The following ANGPT1 variants were observed in gnomAD, a reference collection of about 807,000 sequenced individuals.
ANGPT1 encodes the protein angiopoietin 1.
Under a neutral mutation model 62.2 loss-of-function variants are expected in ANGPT1, and 17 were observed. The ratio of observed to expected loss-of-function variants is 0.27; its 90% CI spans 0.19 to 0.41. The LOEUF is 0.41. Ranked by LOEUF, ANGPT1 falls within the 10% of genes least tolerant of loss-of-function variation. ANGPT1 has a pLI of 1.00. For synonymous variants in ANGPT1, 199 were observed against 198.9 expected, an observed-to-expected ratio of 1.00 and a Z score of 0.00; for missense variants, 478 against 594.9, an observed-to-expected ratio of 0.80 and a Z score of 2.04.
intron 1 of ANGPT1, 117 bp downstream of exon 1, chr8:107,497,145 C>CT: frequency 8.2e-7 from 1 of 1,219,662 alleles, no homozygotes; most frequent in South Asian, 1.5e-5. Context: ...ATTGCAAACA[C>CT]TGCCCCCCTG....
intron 7 of ANGPT1, among the ~76,000 whole-genome samples, chr8:107,276,525 A>T (rs1813870092): frequency 6.6e-6 from 1 of 152,176 alleles, no homozygotes; most frequent in South Asian, 2.1e-4. Flanking sequence ...ACAAAAATGC[A>T]GGGCTTAAAT....
intron 1 of ANGPT1, among the ~76,000 whole-genome samples, chr8:107,392,417 T>C (rs976254716): frequency 1.3e-5 from 2 of 152,188 alleles, no homozygotes; most frequent in African/African-American, 4.8e-5. Flanking sequence ...TTATTGTCAT[T>C]TTAATTTCTA....
chr8:107,397,976 A>G (rs1284302253), intron 1 of ANGPT1, among the ~76,000 whole-genome samples: 3 of 152,318 alleles, frequency 2.0e-5, no homozygotes, highest in Non-Finnish European at 2.9e-5. Context: ...TTGAATTATT[A>G]CCAGATTATC....
chr8:107,370,700 CAAAAAAAA>C (rs71308729), intron 1 of ANGPT1, among the ~76,000 whole-genome samples: 9,306 of 75,870 alleles, frequency 0.12, 284 homozygotes, highest in South Asian at 0.2. Context: ...AAGACTCTGT[CAAAAAAAA>C]AAAAAAAAAA....
At position 107,303,418 on chromosome 8, in the gene ANGPT1, T is replaced by A. The variant is rs759513922; in HGVS notation, c.809-51A>T. 6 of 1,477,002 alleles carry A rather than the reference T, an allele frequency of 4.1e-6. No homozygotes were observed. In the Middle Eastern group the frequency reaches 7.0e-4, roughly 172 times the overall value. 91.5% of individuals were successfully genotyped at this position (1,477,002 alleles called of 1,614,324 possible). A position where few individuals can be genotyped will look rare whatever the true frequency, so the allele number is the denominator to read the frequency against. ...AATATGTGAATATCAGTACCATTAG[T>A]AGCCAAACTGACTCCAATAATAGCT... On this transcript the variant is annotated intron_variant, in intron 4 of 8. Coordinates refer to ENST00000517746, the MANE Select transcript of ANGPT1 (RefSeq NM_001146.5).
intron 1 of ANGPT1, among the ~76,000 whole-genome samples, chr8:107,490,858 T>C (rs528136245): frequency 1.4e-4 from 22 of 152,322 alleles, no homozygotes; most frequent in African/African-American, 4.8e-4. Context: ...TGTTCTTCAA[T>C]AAAGCTTTAT....
intron 7 of ANGPT1, among the ~76,000 whole-genome samples, chr8:107,276,604 C>T (rs1479347618): frequency 1.4e-5 from 2 of 145,170 alleles, no homozygotes; most frequent in Non-Finnish European, 3.0e-5. Context: ...AATACATACA[C>T]GGCATGGGAG....
At chr8:107,303,965 G>T (rs1416898970) in intron 4 of ANGPT1, among the ~76,000 whole-genome samples, 1 of 151,892 alleles carries the variant, frequency 6.6e-6, no homozygotes, top group East Asian at 1.9e-4. Flanking sequence ...TTAGATTTGG[G>T]AAGTAGAAAA....
Position 107,470,939 on chromosome 8 carries a change from C to A in ANGPT1, c.297+26323G>T, listed in dbSNP as rs575745666. 6.0e-4 allele frequency among the ~76,000 whole-genome samples: 91 copies of A among 152,260 alleles called. 1 individual carries two copies. The highest frequency in any genetic ancestry group is 2.0e-3 in the African/African-American group (84 of 41,560). The stretch of plus-strand genomic sequence containing the variant: ...GTGGAGAAGTAGGAACACTTTTACA[C>A]TGTTGGTGGGAGTGTAAATTAGTTC... On this transcript the variant is annotated intron_variant, in intron 1 of 8. Transcript: ENST00000517746.
chr8:107,370,195 A>AGAAAG (rs1563590546), intron 1 of ANGPT1, among the ~76,000 whole-genome samples: 1 of 93,258 alleles, frequency 1.1e-5, no homozygotes, highest in South Asian at 3.7e-4. Flanking sequence ...AAGAAAGAAA[A>AGAAAG]AAAGAAAGAA....
intron 1 of ANGPT1, among the ~76,000 whole-genome samples, chr8:107,480,303 T>C (rs188179958): frequency 6.6e-6 from 1 of 152,180 alleles, no homozygotes; most frequent in Non-Finnish European, 1.5e-5. Context: ...AGGATCTAGT[T>C]TGAGGCACTA....
At chr8:107,485,536 AACTATC>A (rs1236242044) in intron 1 of ANGPT1, among the ~76,000 whole-genome samples, 2 of 152,210 alleles carry the variant, frequency 1.3e-5, no homozygotes, top group Non-Finnish European at 2.9e-5. Flanking sequence ...CGAGAGGAAG[AACTATC>A]ACAATTGTCT....
chr8:107,460,027 C>T (rs1315098543), intron 1 of ANGPT1, among the ~76,000 whole-genome samples: 4 of 152,160 alleles, frequency 2.6e-5, no homozygotes, highest in Non-Finnish European at 4.4e-5. Context: ...CTGAAAGCAT[C>T]ATCACCATTT....
rs1430897498 is a variant in ANGPT1 at position 107,490,432 on chromosome 8, G to C, written c.297+6830C>G. On this transcript the variant is annotated intron_variant, in intron 1 of 8. Coordinates refer to ENST00000517746, the MANE Select transcript of ANGPT1 (RefSeq NM_001146.5). ...TCCCTGTTCTTGTGATGATGGGCAGGAGAAAGAAAAGACATGAAATTCCCT... is the reference window on the plus strand; with the variant it reads ...TCCCTGTTCTTGTGATGATGGGCAGCAGAAAGAAAAGACATGAAATTCCCT... 2.6e-5 allele frequency among the ~76,000 whole-genome samples: 4 copies of C among 152,112 alleles called. No individual in the cohort carries two copies. In the East Asian group the frequency reaches 7.7e-4, roughly 29 times the overall value.
Position 107,293,980 on chromosome 8 carries a change from C to T in ANGPT1, c.994G>A (p.Asp332Asn), listed in dbSNP as rs774087006. ...CCTCTTTGGAAATCTAGACTTCCAT[C>T]TTCACGATGTTGTATTACAGTCCAA... Reference protein sequence around the residue: ...GGWTVIQHREDGSLDFQRGWK... With the variant: ...GGWTVIQHRENGSLDFQRGWK... Residue 332 changes from aspartate to asparagine, a missense_variant, in exon 6 of 9, where the codon GAT becomes AAT. Transcript: ENST00000517746. 7 of 1,613,434 alleles carry T rather than the reference C, an allele frequency of 4.3e-6. No individual in the cohort carries two copies. In the South Asian group the frequency reaches 5.5e-5, roughly 13 times the overall value.
intron 1 of ANGPT1, among the ~76,000 whole-genome samples, chr8:107,446,799 C>T (rs1002697092): frequency 3.3e-5 from 5 of 152,132 alleles, no homozygotes; most frequent in Non-Finnish European, 5.9e-5. Context: ...ATGCTTGAGG[C>T]TCTCAAATTT....
At chr8:107,341,296 A>G (rs990927814) in intron 2 of ANGPT1, among the ~76,000 whole-genome samples, 13 of 152,210 alleles carry the variant, frequency 8.5e-5, no homozygotes, top group African/African-American at 3.1e-4. Context: ...ATTGAAGGGT[A>G]AACTAAAGGT....
chr8:107,447,764 T>A (rs565892027), intron 1 of ANGPT1, among the ~76,000 whole-genome samples: 2 of 152,276 alleles, frequency 1.3e-5, no homozygotes, highest in South Asian at 4.1e-4. Context: ...GGTTTCTTTG[T>A]AGAGTAAGAG....
intron 6 of ANGPT1, 58 bp downstream of exon 6, chr8:107,293,878 T>A: frequency 7.4e-7 from 1 of 1,345,936 alleles, no homozygotes; most frequent in Non-Finnish European, 1.1e-6. Flanking sequence ...TCATATAGTA[T>A]GGAGAAGATA....
Sources: gnomAD v4.1 joint callset for allele counts (sites outside exome capture counted in the v4.1 genomes callset) on GRCh38, gnomAD v4.1.1 for gene constraint, MANE v1.5 for transcripts, NCBI Gene and HGNC (gene_info 2026-07-23, HGNC 2026-07-21) for gene names.